MCC: variants seen among roughly 807,000 people sequenced by gnomAD.
The protein encoded by MCC is MCC regulator of Wnt signaling pathway.
MCC carries 90 observed loss-of-function variants against 116.2 expected under a neutral mutation model. The observed-to-expected ratio is 0.77, with a 90% CI of 0.65 to 0.92. The LOEUF is 0.92. Among genes scored for constraint, MCC ranks in the 40% least tolerant of loss-of-function variants. MCC has a pLI of 0.00. For missense variants in MCC, 1,516 were observed against 1,312.2 expected, an observed-to-expected ratio of 1.16 and a Z score of -2.40; for synonymous variants, 578 against 510.5, an observed-to-expected ratio of 1.13 and a Z score of -1.78.
intron 3 of MCC, among the ~76,000 whole-genome samples, chr5:113,202,209 A>AG (rs1330992350): frequency 3.3e-5 from 5 of 151,728 alleles, no homozygotes; most frequent in African/African-American, 9.7e-5. Flanking sequence ...GTTTTGCAAA[A>AG]GGGGGAAAAA....
intron 3 of MCC, among the ~76,000 whole-genome samples, chr5:113,277,219 A>C (rs897311536): frequency 5.3e-5 from 8 of 150,034 alleles, no homozygotes; most frequent in African/African-American, 1.7e-4. Context: ...CAAAAAAAAA[A>C]CAGCCAGACA....
chr5:113,446,817 C>T (rs922822026), intron 1 of MCC, among the ~76,000 whole-genome samples: 3 of 152,092 alleles, frequency 2.0e-5, no homozygotes, highest in Non-Finnish European at 4.4e-5. Context: ...AGGGAGAGGG[C>T]AAGGGTTGAA....
intron 1 of MCC, among the ~76,000 whole-genome samples, chr5:113,441,570 G>A (rs1207992731): frequency 6.6e-6 from 1 of 152,090 alleles, no homozygotes; most frequent in Admixed American, 6.5e-5. Flanking sequence ...TGTTACATAA[G>A]TATACCTGTG....
intron 1 of MCC, among the ~76,000 whole-genome samples, chr5:113,409,105 C>T (rs1290389563): frequency 6.6e-6 from 1 of 152,146 alleles, no homozygotes; most frequent in Non-Finnish European, 1.5e-5. Flanking sequence ...ACCAGGGGCC[C>T]TGAAGCAACA....
At chr5:113,039,899 C>G (rs552124987) in intron 17 of MCC, among the ~76,000 whole-genome samples, 2 of 152,108 alleles carry the variant, frequency 1.3e-5, no homozygotes, top group Non-Finnish European at 2.9e-5. Flanking sequence ...ATTTAGCTGC[C>G]TTTTTATAGA....
intron 2 of MCC, among the ~76,000 whole-genome samples, chr5:113,344,084 C>T (rs1489790742): frequency 6.6e-6 from 1 of 152,196 alleles, no homozygotes; most frequent in Non-Finnish European, 1.5e-5. Flanking sequence ...TACTCTCCAG[C>T]AGTGGTTATG....
chr5:113,447,551 G>C (rs562864223), intron 1 of MCC, among the ~76,000 whole-genome samples: 1 of 152,034 alleles, frequency 6.6e-6, no homozygotes, highest in South Asian at 2.1e-4. Flanking sequence ...CATCTAGTCC[G>C]ACCACCTCCT....
chr5:113,221,758 T>G (rs886331926), intron 3 of MCC, among the ~76,000 whole-genome samples: 1 of 152,322 alleles, frequency 6.6e-6, no homozygotes, highest in African/African-American at 2.4e-5. Flanking sequence ...TGATTTCATC[T>G]CTGGCTTGAA....
intron 2 of MCC, among the ~76,000 whole-genome samples, chr5:113,352,445 T>G (rs1030773351): frequency 3.3e-5 from 5 of 151,998 alleles, no homozygotes; most frequent in Non-Finnish European, 7.4e-5. Flanking sequence ...CTTCCCTCTC[T>G]TTCTCCTGTC....
intron 5 of MCC, among the ~76,000 whole-genome samples, chr5:113,123,156 C>T (rs4705782): frequency 0.44 from 67,135 of 152,100 alleles, 17,731 homozygotes; most frequent in East Asian, 0.64. Flanking sequence ...AGAACTAAGG[C>T]TACTAGCACT....
At chr5:113,104,417 C>T (rs1030112135) in intron 6 of MCC, 62 bp from the exon 7 acceptor site, 75 of 1,449,374 alleles carry the variant, frequency 5.2e-5, no homozygotes, top group Admixed American at 7.8e-5. Context: ...GTTTTGCTTA[C>T]CATGAGGGAC....
intron 3 of MCC, among the ~76,000 whole-genome samples, chr5:113,196,139 G>A (rs1762392843): frequency 6.6e-6 from 1 of 152,156 alleles, no homozygotes; most frequent in African/African-American, 2.4e-5. Flanking sequence ...CACTTCTATT[G>A]GTGATATACC....
intron 1 of MCC, among the ~76,000 whole-genome samples, chr5:113,404,936 G>A (rs1769789508): frequency 6.6e-6 from 1 of 152,208 alleles, no homozygotes; most frequent in Non-Finnish European, 1.5e-5. Flanking sequence ...GAGACCTACG[G>A]AGCTGTTACC....
At chr5:113,442,907 T>C (rs1771083705) in intron 1 of MCC, among the ~76,000 whole-genome samples, 1 of 152,238 alleles carries the variant, frequency 6.6e-6, no homozygotes, top group South Asian at 2.1e-4. Flanking sequence ...TGTAGCCTTG[T>C]AGTATAGTTT....
At chr5:113,172,090 A>C (rs879788387) in intron 3 of MCC, among the ~76,000 whole-genome samples, 8 of 152,188 alleles carry the variant, frequency 5.3e-5, no homozygotes, top group Non-Finnish European at 8.8e-5. Context: ...CTTTTCTCCA[A>C]ATGTAGCAGT....
intron 3 of MCC, among the ~76,000 whole-genome samples, chr5:113,177,688 T>G (rs1169889767): frequency 3.3e-5 from 5 of 152,248 alleles, no homozygotes; most frequent in African/African-American, 1.2e-4. Context: ...TTCATGATCC[T>G]TTCCATTTTT....
At chr5:113,327,732 C>A (rs1471977727) in intron 3 of MCC, among the ~76,000 whole-genome samples, 1 of 150,452 alleles carries the variant, frequency 6.6e-6, no homozygotes, top group Admixed American at 6.6e-5. Context: ...AACTGAAGGA[C>A]AAAGAGCAGC....
intron 3 of MCC, among the ~76,000 whole-genome samples, chr5:113,245,462 T>C (rs4705806): frequency 0.16 from 24,368 of 151,728 alleles, 2,311 homozygotes; most frequent in Admixed American, 0.29. Context: ...ACAACCTAAC[T>C]GGTCAGGGAA....
intron 12 of MCC, among the ~76,000 whole-genome samples, chr5:113,069,341 G>C (rs1201839257): frequency 1.3e-5 from 2 of 152,212 alleles, no homozygotes; most frequent in African/African-American, 4.8e-5. Context: ...ACATTCATTG[G>C]GCAAACAAGG....
Sources: gnomAD v4.1 joint callset for allele counts (sites outside exome capture counted in the v4.1 genomes callset) on GRCh38, gnomAD v4.1.1 for gene constraint, MANE v1.5 for transcripts, NCBI Gene and HGNC (gene_info 2026-07-23, HGNC 2026-07-21) for gene names.